CALN1: variants seen among roughly 807,000 people sequenced by gnomAD.
The protein encoded by CALN1 is calneuron 1.
In CALN1, 17 loss-of-function variants were observed where a neutral mutation model predicts 30.6. The observed-to-expected ratio is 0.56, with a 90% confidence interval of 0.38 to 0.83. The LOEUF (loss-of-function observed/expected upper bound fraction) is 0.83, where lower values mean the gene tolerates loss of function less well. Among genes scored for constraint, CALN1 ranks in the 40% least tolerant of loss-of-function variants. The pLI is 0.00. For missense variants in CALN1, 291 were observed against 354.9 expected, an observed-to-expected ratio of 0.82 and a Z score of 1.45; for synonymous variants, 156 against 131.4, an observed-to-expected ratio of 1.19 and a Z score of -1.28.
intron 2 of CALN1, among the ~76,000 whole-genome samples, chr7:72,307,532 G>A (rs915108884): frequency 6.6e-6 from 1 of 152,218 alleles, no homozygotes; most frequent in African/African-American, 2.4e-5. Flanking sequence ...TGGTATCAGA[G>A]CAGAAGTCAC....
At chr7:72,088,186 A>T (rs1346052902) in intron 4 of CALN1, among the ~76,000 whole-genome samples, 3 of 152,032 alleles carry the variant, frequency 2.0e-5, no homozygotes, top group Non-Finnish European at 4.4e-5. Context: ...GAGAGTGTGA[A>T]TCATATTCCA....
intron 5 of CALN1, among the ~76,000 whole-genome samples, chr7:71,931,026 A>G (rs552082023): frequency 6.6e-6 from 1 of 152,306 alleles, no homozygotes; most frequent in South Asian, 2.1e-4. Context: ...TTTGTGTGCC[A>G]GAAGGAAAAA....
At chr7:72,268,793 C>CCACTCACACAAACACACA (rs1796761274) in intron 3 of CALN1, among the ~76,000 whole-genome samples, 1 of 145,834 alleles carries the variant, frequency 6.9e-6, no homozygotes, top group Admixed American at 6.8e-5. Context: ...CAAGACCCTG[C>CCACTCACACAAACACACA]CACACACACA....
intron 5 of CALN1, among the ~76,000 whole-genome samples, chr7:71,927,093 A>G (rs996908962): frequency 3.3e-5 from 5 of 152,262 alleles, no homozygotes; most frequent in African/African-American, 1.2e-4. Context: ...AGTAGAGAAT[A>G]AAGTAAACAG....
chr7:72,217,713 C>T (rs940114462), intron 3 of CALN1, among the ~76,000 whole-genome samples: 2 of 151,660 alleles, frequency 1.3e-5, no homozygotes, highest in Non-Finnish European at 2.9e-5. Flanking sequence ...TGTGGTGGCT[C>T]ACACCTATAA....
Position 71,999,391 on chromosome 7 carries a change from C to T in CALN1, c.501+24266G>A, listed in dbSNP as rs907637563. On this transcript the variant is annotated intron_variant, in intron 5 of 6. Transcript: ENST00000395275. Reference sequence around the variant, plus strand: ...AATTATAGTTGGAAACCTGAACAGCCACCTCTCAGCAAAGGACAGAACTAC... The same window carrying T: ...AATTATAGTTGGAAACCTGAACAGCTACCTCTCAGCAAAGGACAGAACTAC... Among the ~76,000 whole-genome samples the T allele has an allele frequency of 7.9e-5, 12 of 152,144 alleles. 1 individual carries two copies. Among genetic ancestry groups the T allele is most frequent in the Admixed American group, 6.5e-5 (1 of 15,272 alleles).
intron 2 of CALN1, among the ~76,000 whole-genome samples, chr7:72,382,569 G>C (rs1276681933): frequency 6.6e-6 from 1 of 152,146 alleles, no homozygotes; most frequent in Non-Finnish European, 1.5e-5. Flanking sequence ...CCCACGTAGT[G>C]AGCATAGTAC....
intron 3 of CALN1, among the ~76,000 whole-genome samples, chr7:72,248,787 A>G (rs1795356720): frequency 6.6e-6 from 1 of 151,986 alleles, no homozygotes; most frequent in Admixed American, 6.6e-5. Flanking sequence ...GACATTGTTC[A>G]GCCAACCACA....
chr7:72,221,279 C>T (rs1477890185), intron 3 of CALN1, among the ~76,000 whole-genome samples: 1 of 151,304 alleles, frequency 6.6e-6, no homozygotes, highest in Non-Finnish European at 1.5e-5. Context: ...AGACGCGATG[C>T]CCCAGTGTTT....
chr7:71,866,019 T>A (rs574974515), intron 5 of CALN1, among the ~76,000 whole-genome samples: 2 of 152,224 alleles, frequency 1.3e-5, no homozygotes, highest in East Asian at 3.9e-4. Context: ...TTTTCTTTTT[T>A]TTTTGAGACA....
intron 5 of CALN1, among the ~76,000 whole-genome samples, chr7:71,865,250 G>T (rs915074762): frequency 6.6e-6 from 1 of 152,100 alleles, no homozygotes; most frequent in African/African-American, 2.4e-5. Context: ...CCTTGGTGCT[G>T]CCCTGTCAAG....
intron 3 of CALN1, among the ~76,000 whole-genome samples, chr7:72,209,362 TTCCTTCCC>T (rs1424294500): frequency 9.3e-4 from 23 of 24,794 alleles, no homozygotes; most frequent in Non-Finnish European, 1.1e-3. Flanking sequence ...CCTTCCCTCT[TTCCTTCCC>T]TCCTTCCCTC....
chr7:72,382,713 T>C lies in CALN1; in HGVS notation c.119+20538A>G, dbSNP rs147905448. Among the ~76,000 whole-genome samples the C allele has an allele frequency of 2.2e-3, 333 of 152,280 alleles. 1 individual carries two copies. Among genetic ancestry groups the C allele is most frequent in the African/African-American group, 7.7e-3 (321 of 41,558 alleles). On this transcript the variant is annotated intron_variant, in intron 2 of 6. Transcript: ENST00000395275. ...CCCACTTATACATGAGAACATGCAG[T>C]ATTTGGATTTCTCCTTCTGCATTAG...
chr7:71,917,482 T>C (rs1295861651), intron 5 of CALN1, among the ~76,000 whole-genome samples: 1 of 152,172 alleles, frequency 6.6e-6, no homozygotes, highest in Non-Finnish European at 1.5e-5. Flanking sequence ...AATTAATTGA[T>C]TGCTGTATTA....
intron 4 of CALN1, among the ~76,000 whole-genome samples, chr7:72,088,453 C>T (rs1423881934): frequency 1.3e-5 from 2 of 152,086 alleles, no homozygotes. Flanking sequence ...AATCCCAGCA[C>T]TTAGAGAGGC....
At chr7:72,132,230 G>C (rs1809201182) in intron 3 of CALN1, among the ~76,000 whole-genome samples, 1 of 152,048 alleles carries the variant, frequency 6.6e-6, no homozygotes, top group South Asian at 2.1e-4. Context: ...TCATCCCTTA[G>C]TCTAGCCTCT....
intron 4 of CALN1, among the ~76,000 whole-genome samples, chr7:72,104,964 A>T (rs1806975003): frequency 6.6e-6 from 1 of 152,146 alleles, no homozygotes; most frequent in South Asian, 2.1e-4. Flanking sequence ...CTCTAAAATA[A>T]ATAATAAATA....
chr7:72,141,391 A>C (rs746396141), intron 3 of CALN1, among the ~76,000 whole-genome samples: 8 of 152,100 alleles, frequency 5.3e-5, no homozygotes, highest in Non-Finnish European at 7.4e-5. Context: ...CCTGAGGTCA[A>C]GAGTTCGAGA....
At chr7:72,369,349 T>TATATA (rs1804079891) in intron 2 of CALN1, among the ~76,000 whole-genome samples, 1 of 82,480 alleles carries the variant, frequency 1.2e-5, no homozygotes. Flanking sequence ...ATATTATAAA[T>TATATA]ATTTATTTTT....
Sources: allele counts gnomAD v4.1 joint callset (sites outside exome capture counted in the v4.1 genomes callset), GRCh38; gene constraint gnomAD v4.1.1; transcripts MANE v1.5; gene names NCBI Gene and HGNC (gene_info 2026-07-23, HGNC 2026-07-21).